RNF130: variants seen among roughly 807,000 people sequenced by gnomAD.
The protein encoded by RNF130 is E3 ubiquitin-protein ligase RNF130.
RNF130 carries 21 observed loss-of-function variants against 44.6 expected under a neutral mutation model. The ratio of observed to expected loss-of-function variants is 0.47; its 90% CI spans 0.33 to 0.68. The LOEUF (loss-of-function observed/expected upper bound fraction) is 0.68, where lower values mean the gene tolerates loss of function less well. RNF130 is among the 30% of genes least tolerant of loss of function. The pLI is 0.02. For synonymous variants in RNF130, 214 were observed against 210.4 expected (o/e 1.02, Z -0.15); for missense variants, 479 against 560.6 (o/e 0.85, Z 1.47).
chr5:180,037,322 C>T (rs1008818142), intron 2 of RNF130, among the ~76,000 whole-genome samples: 6 of 152,196 alleles, frequency 3.9e-5, no homozygotes, highest in Non-Finnish European at 1.5e-5. Flanking sequence ...CTGGCTCTCA[C>T]ACGGTTGGAG....
intron 1 of RNF130, among the ~76,000 whole-genome samples, chr5:180,056,083 TA>T (rs1016037847): frequency 6.7e-6 from 1 of 148,962 alleles, no homozygotes; most frequent in African/African-American, 2.5e-5. Flanking sequence ...AACTGGGTCT[TA>T]AAAAAAAACA....
downstream of RNF130, among the ~76,000 whole-genome samples, chr5:179,954,331 G>A (rs1470996713): frequency 1.3e-5 from 2 of 152,160 alleles, no homozygotes; most frequent in African/African-American, 2.4e-5. Context: ...GCCGAACAGC[G>A]GAAACAAGTC....
At chr5:180,011,638 A>G (rs1288601856) in intron 3 of RNF130, among the ~76,000 whole-genome samples, 1 of 152,142 alleles carries the variant, frequency 6.6e-6, no homozygotes, top group African/African-American at 2.4e-5. Flanking sequence ...ATGGTGGTGC[A>G]TACCTTCAGT....
chr5:180,038,034 T>C (rs1582210023), intron 2 of RNF130, among the ~76,000 whole-genome samples: 1 of 152,152 alleles, frequency 6.6e-6, no homozygotes, highest in Non-Finnish European at 1.5e-5. Flanking sequence ...TTACTCAAAA[T>C]AAAACAGGGT....
At chr5:179,954,069 T>C (rs1369111722), downstream of RNF130, among the ~76,000 whole-genome samples, 1 of 152,168 alleles carries the variant, frequency 6.6e-6, no homozygotes, top group Non-Finnish European at 1.5e-5. Context: ...CACTATGACA[T>C]CTATAAGAAA....
chr5:180,000,533 G>C (rs1447725951), intron 3 of RNF130, among the ~76,000 whole-genome samples: 2 of 151,888 alleles, frequency 1.3e-5, no homozygotes, highest in Non-Finnish European at 2.9e-5. Context: ...ACAAATATTT[G>C]TTTGCCTAAT....
chr5:179,932,552 G>A (rs1388727650), intron 7 of RNF130, among the ~76,000 whole-genome samples: 6 of 150,964 alleles, frequency 4.0e-5, no homozygotes, highest in East Asian at 2.0e-4. Context: ...GAGCCACCAC[G>A]CCCGGCCTTA....
intron 7 of RNF130, among the ~76,000 whole-genome samples, chr5:179,938,165 C>A (rs1185365790): frequency 6.6e-6 from 1 of 151,960 alleles, no homozygotes; most frequent in Non-Finnish European, 1.5e-5. Context: ...GCCACGTTGC[C>A]CAGGTTGGTC....
intron 8 of RNF130, among the ~76,000 whole-genome samples, chr5:179,962,388 G>A (rs1454235930): frequency 2.0e-5 from 3 of 152,192 alleles, no homozygotes; most frequent in African/African-American, 7.2e-5. Flanking sequence ...TCTATAGCCA[G>A]ACAATGGGCA....
At chr5:179,943,661 A>C (rs1761995109) in intron 7 of RNF130, among the ~76,000 whole-genome samples, 1 of 152,222 alleles carries the variant, frequency 6.6e-6, no homozygotes, top group South Asian at 2.1e-4. Context: ...AAAATAACTT[A>C]CTCAAAATCA....
intron 2 of RNF130, among the ~76,000 whole-genome samples, chr5:180,022,633 G>A (rs757287548): frequency 3.9e-5 from 6 of 152,140 alleles, no homozygotes; most frequent in South Asian, 2.1e-4. Flanking sequence ...CGGAGCTCAC[G>A]TGACTGAAGG....
At chr5:180,025,741 A>C (rs1763970079) in intron 2 of RNF130, among the ~76,000 whole-genome samples, 1 of 152,230 alleles carries the variant, frequency 6.6e-6, no homozygotes, top group South Asian at 2.1e-4. Context: ...CCACAGCAGT[A>C]CACTTCAATT....
intron 3 of RNF130, among the ~76,000 whole-genome samples, chr5:179,993,636 G>A (rs1223683480): frequency 6.6e-6 from 1 of 152,208 alleles, no homozygotes; most frequent in Non-Finnish European, 1.5e-5. Flanking sequence ...CCCTTTGTCA[G>A]ATGGGTAGAT....
intron 7 of RNF130, among the ~76,000 whole-genome samples, chr5:179,922,707 C>A (rs1370419427): frequency 6.6e-6 from 1 of 151,690 alleles, no homozygotes; most frequent in African/African-American, 2.4e-5. Flanking sequence ...GGAGGCTGAG[C>A]CAGATGGCTT....
intron 5 of RNF130, among the ~76,000 whole-genome samples, chr5:179,972,124 TC>T (rs1240110070): frequency 6.6e-6 from 1 of 152,188 alleles, no homozygotes; most frequent in Non-Finnish European, 1.5e-5. Flanking sequence ...ACTCGTAGCC[TC>T]TGTGTGTGGA....
At chr5:180,044,731 C>T (rs1764516606) in intron 1 of RNF130, among the ~76,000 whole-genome samples, 1 of 151,966 alleles carries the variant, frequency 6.6e-6, no homozygotes, top group South Asian at 2.1e-4. Context: ...ACTCAGAAGG[C>T]TGAGGCAGGA....
chr5:179,952,487 A>G (rs1468340366), downstream of RNF130, among the ~76,000 whole-genome samples: 1 of 152,250 alleles, frequency 6.6e-6, no homozygotes, highest in Non-Finnish European at 1.5e-5. Context: ...AGAACACTTC[A>G]TAATTGTTTA....
rs1762749018 is a variant in RNF130, at chr5:179,977,816, C to CA, written c.848+386dup. On this transcript the variant is annotated intron_variant, in intron 5 of 8. Coordinates refer to ENST00000521389, the MANE Select transcript of RNF130 (RefSeq NM_018434.6). The surrounding 1 kb of genome is among the most constrained non-coding windows in gnomAD (Gnocchi z 4.1). ...GCAGTGAGCCGAGATTGCGCCACTG[C>CA]ACACTCCAGCCTGGGGTGACAGAGC... is the stretch of plus-strand genomic sequence containing the variant. Among the ~76,000 whole-genome samples, 1 of 152,092 alleles carries CA rather than the reference C, an allele frequency of 6.6e-6. No homozygotes were observed. Among genetic ancestry groups the CA allele is most frequent in the Non-Finnish European group, 1.5e-5 (1 of 68,004 alleles).
intron 1 of RNF130, among the ~76,000 whole-genome samples, chr5:180,048,997 G>T (rs1390248770): frequency 6.6e-6 from 1 of 152,238 alleles, no homozygotes; most frequent in Non-Finnish European, 1.5e-5. Flanking sequence ...CTGCATGGAA[G>T]TGATCACAGA....
Sources: gnomAD v4.1 joint callset for allele counts (sites outside exome capture counted in the v4.1 genomes callset) on GRCh38, gnomAD v4.1.1 for gene constraint, Gnocchi (gnomAD v3.1) non-coding constraint, MANE v1.5 for transcripts, NCBI Gene and HGNC (gene_info 2026-07-23, HGNC 2026-07-21) for gene names.